Variants in XKR9 observed in about 807,000 individuals in gnomAD.
The protein encoded by XKR9 is XK-related protein 9.
A neutral mutation model predicts 32.0 loss-of-function variants in XKR9; 32 were observed. That is an observed-to-expected ratio of 1.00 (90% CI 0.76 to 1.34). XKR9 has a LOEUF of 1.34. Among genes scored for constraint, XKR9 ranks in the 40% most tolerant of loss-of-function variants. XKR9 has a pLI of 0.00. For missense variants in XKR9, 546 were observed against 429.7 expected (o/e 1.27, Z -2.39); for synonymous variants, 168 against 143.4 (o/e 1.17, Z -1.22).
intron 2 of XKR9, among the ~76,000 whole-genome samples, chr8:70,773,075 A>G (rs2130236158): frequency 6.6e-6 from 1 of 152,332 alleles, no homozygotes; most frequent in African/African-American, 2.4e-5. Flanking sequence ...ATCATACTGT[A>G]GCACAAGTCT....
chr8:70,944,142 C>CAA, the XKR9 span, among the ~76,000 whole-genome samples: 26 of 149,374 alleles, frequency 1.7e-4, no homozygotes, highest in Non-Finnish European at 3.3e-4. Flanking sequence ...TTCCCCCCGC[C>CAA]AAAAAAAAAA....
chr8:70,860,735 T>A, the XKR9 span, among the ~76,000 whole-genome samples: 1 of 151,582 alleles, frequency 6.6e-6, no homozygotes, highest in Non-Finnish European at 1.5e-5. Flanking sequence ...GTTACCCAAT[T>A]TCTGGGGATA....
At chr8:70,814,117 A>C in the XKR9 span, among the ~76,000 whole-genome samples, 3 of 152,222 alleles carry the variant, frequency 2.0e-5, no homozygotes, top group Non-Finnish European at 4.4e-5. Context: ...GCAGCCATAA[A>C]AAATGAAGAG....
intron 3 of XKR9, among the ~76,000 whole-genome samples, chr8:70,690,788 T>C (rs534708055): frequency 6.6e-6 from 1 of 152,342 alleles, no homozygotes; most frequent in East Asian, 1.9e-4. Flanking sequence ...TAATATTCCA[T>C]GGTGTATATA....
the XKR9 span, among the ~76,000 whole-genome samples, chr8:70,976,357 G>T: frequency 3.3e-5 from 5 of 151,912 alleles, no homozygotes; most frequent in Non-Finnish European, 7.4e-5. Flanking sequence ...GATAGTGGCT[G>T]TGGGTTTGCT....
downstream of XKR9, among the ~76,000 whole-genome samples, chr8:70,739,910 T>C (rs942885985): frequency 1.2e-4 from 18 of 152,204 alleles, 1 homozygote; most frequent in African/African-American, 4.3e-4. Flanking sequence ...ATTTTTTCCT[T>C]CATTTCAACT....
chr8:70,685,175 A>G (rs1452229482), intron 3 of XKR9, among the ~76,000 whole-genome samples: 1 of 151,958 alleles, frequency 6.6e-6, no homozygotes, highest in Non-Finnish European at 1.5e-5. Flanking sequence ...ATAAAAAATG[A>G]AGAGTTCATG....
At chr8:70,860,308 T>C in the XKR9 span, among the ~76,000 whole-genome samples, 2 of 152,050 alleles carry the variant, frequency 1.3e-5, no homozygotes, top group Non-Finnish European at 2.9e-5. Flanking sequence ...GCCAGTGAGC[T>C]AGCTAGCTCT....
intron 3 of XKR9, among the ~76,000 whole-genome samples, chr8:70,687,353 T>TCTTC (rs772835174): frequency 6.7e-6 from 1 of 148,986 alleles, no homozygotes; most frequent in Non-Finnish European, 1.5e-5. Context: ...TTTCTTTCTT[T>TCTTC]CTTTCTCTCT....
At chr8:70,999,987 T>C in the XKR9 span, among the ~76,000 whole-genome samples, 1 of 152,238 alleles carries the variant, frequency 6.6e-6, no homozygotes, top group South Asian at 2.1e-4. Flanking sequence ...TTCTCTTTCA[T>C]TCTTTCTCCC....
chr8:70,695,560 C>A (rs1461579517), intron 3 of XKR9, among the ~76,000 whole-genome samples: 1 of 151,928 alleles, frequency 6.6e-6, no homozygotes, highest in Non-Finnish European at 1.5e-5. Flanking sequence ...GCCACATTTT[C>A]TTAATCCAGT....
chr8:70,885,965 C>T, the XKR9 span, among the ~76,000 whole-genome samples: 1 of 151,922 alleles, frequency 6.6e-6, no homozygotes, highest in African/African-American at 2.4e-5. Context: ...TAGGTATACA[C>T]GTGCCATGGT....
intron 2 of XKR9, among the ~76,000 whole-genome samples, chr8:70,762,773 A>G (rs570708700): frequency 6.6e-6 from 1 of 152,336 alleles, no homozygotes; most frequent in Non-Finnish European, 1.5e-5. Flanking sequence ...GATAAATAAG[A>G]TATCCCTAAA....
chr8:70,679,519 C>A (rs763815737), intron 2 of XKR9, among the ~76,000 whole-genome samples: 11 of 152,046 alleles, frequency 7.2e-5, no homozygotes, highest in Non-Finnish European at 1.6e-4. Flanking sequence ...ACATTGAGAC[C>A]CAGCTGTTGA....
chr8:70,868,318 G>A, the XKR9 span, among the ~76,000 whole-genome samples: 1 of 152,026 alleles, frequency 6.6e-6, no homozygotes, highest in Non-Finnish European at 1.5e-5. Context: ...CTAGCAGAGG[G>A]TCTCCATGAG....
intron 2 of XKR9, among the ~76,000 whole-genome samples, chr8:70,752,108 AT>A (rs1407250921): frequency 5.3e-5 from 8 of 151,802 alleles, no homozygotes; most frequent in Admixed American, 6.6e-5. Context: ...CCTCCACCCC[AT>A]TTTCCCTCTC....
chr8:70,763,527 A>C (rs1168382842), intron 2 of XKR9, among the ~76,000 whole-genome samples: 1 of 152,214 alleles, frequency 6.6e-6, no homozygotes, highest in Non-Finnish European at 1.5e-5. Flanking sequence ...GGCAGTTCTC[A>C]TTAATGTAAT....
the XKR9 span, among the ~76,000 whole-genome samples, chr8:70,970,833 G>A: frequency 3.9e-5 from 6 of 152,186 alleles, no homozygotes; most frequent in East Asian, 5.8e-4. Flanking sequence ...TGGAGAAATA[G>A]GAATGCTTTT....
chr8:70,672,947 A>G (rs1156734303), intron 1 of XKR9, among the ~76,000 whole-genome samples: 1 of 152,034 alleles, frequency 6.6e-6, no homozygotes, highest in Non-Finnish European at 1.5e-5. Context: ...AGTTCCTTGT[A>G]TGTTCTGGAT....
Sources: allele counts gnomAD v4.1 joint callset (sites outside exome capture counted in the v4.1 genomes callset), GRCh38; gene constraint gnomAD v4.1.1; transcripts MANE v1.5; gene names NCBI Gene and HGNC (gene_info 2026-07-23, HGNC 2026-07-21).